The following TFDP2 variants were observed in gnomAD, a reference collection of about 807,000 sequenced individuals.
TFDP2 encodes the protein transcription factor Dp-2.
A neutral mutation model predicts 59.3 loss-of-function variants in TFDP2; 17 were observed. That is an observed-to-expected ratio of 0.29 (90% CI 0.20 to 0.43). The LOEUF is 0.43. Among genes scored for constraint, TFDP2 ranks in the 20% least tolerant of loss-of-function variants. TFDP2 has a pLI of 1.00. For missense variants in TFDP2, 391 were observed against 528.8 expected, an observed-to-expected ratio of 0.74 and a Z score of 2.56; for synonymous variants, 180 against 194.7, an observed-to-expected ratio of 0.92 and a Z score of 0.63.
chr3:142,135,386 A>C (rs757622358), intron 1 of TFDP2, among the ~76,000 whole-genome samples: 1 of 151,966 alleles, frequency 6.6e-6, no homozygotes, highest in Non-Finnish European at 1.5e-5. Context: ...TTTAGCCTAC[A>C]TATGTTTAAT....
At chr3:142,023,958 G>A (rs1420033428) in intron 3 of TFDP2, among the ~76,000 whole-genome samples, 1 of 152,096 alleles carries the variant, frequency 6.6e-6, no homozygotes, top group Non-Finnish European at 1.5e-5. Flanking sequence ...GTGCCACCAT[G>A]CCCAGTTAAT....
chr3:142,056,006 T>C (rs572650330), intron 3 of TFDP2, among the ~76,000 whole-genome samples: 34 of 126,192 alleles, frequency 2.7e-4, no homozygotes, highest in Non-Finnish European at 4.7e-4. Flanking sequence ...CAGGCTGGAG[T>C]GCAGTGGCAT....
At chr3:142,114,346 T>C (rs906108688) in intron 1 of TFDP2, among the ~76,000 whole-genome samples, 1 of 152,200 alleles carries the variant, frequency 6.6e-6, no homozygotes. Flanking sequence ...TTTAAAGTAA[T>C]TTAAGGTTTT....
At chr3:141,959,920 C>G in intron 10 of TFDP2, 80 bp from the exon 11 acceptor site, 1 of 1,399,034 alleles carries the variant, frequency 7.1e-7, no homozygotes, top group Non-Finnish European at 9.8e-7. Flanking sequence ...GTTTAAGTAA[C>G]AGAATGGGGG....
rs565751283 is a variant in TFDP2 at position 142,119,321 on chromosome 3, G to A, written c.-92-17480C>T. Among the ~76,000 whole-genome samples the A allele has an allele frequency of 9.9e-5, 15 of 152,136 alleles. 1 individual carries two copies. The South Asian group carries it at 1.5e-3, about 15-fold the overall frequency. ...TAAAGAAAAAACTCTCAGTGTATCC[G>A]AGCAAAAAGATAAATTATTTACAAA... On this transcript the variant is annotated intron_variant, in intron 1 of 12. Transcript: ENST00000489671.
intron 1 of TFDP2, among the ~76,000 whole-genome samples, chr3:142,114,201 G>C (rs1460684807): frequency 6.6e-6 from 1 of 151,728 alleles, no homozygotes; most frequent in Non-Finnish European, 1.5e-5. Flanking sequence ...CCATTTTATA[G>C]AAGGGAAAAT....
chr3:142,040,392 C>T (rs1397271631), intron 3 of TFDP2, among the ~76,000 whole-genome samples: 1 of 152,148 alleles, frequency 6.6e-6, no homozygotes, highest in African/African-American at 2.4e-5. Context: ...GAGTTTGAGA[C>T]CACCCTGAGT....
intron 3 of TFDP2, among the ~76,000 whole-genome samples, chr3:142,050,280 T>A (rs7612958): frequency 0.85 from 126,622 of 148,506 alleles, 53,977 homozygotes; most frequent in African/African-American, 0.93. Context: ...AAAAAAATAA[T>A]AAAAAAAAAA....
chr3:142,094,194 T>A (rs993828861), intron 2 of TFDP2, among the ~76,000 whole-genome samples: 1 of 152,112 alleles, frequency 6.6e-6, no homozygotes, highest in African/African-American at 2.4e-5. Context: ...ATTATTACTA[T>A]CAAATACTTT....
chr3:142,011,550 C>T (rs1230607232), intron 3 of TFDP2, among the ~76,000 whole-genome samples: 1 of 130,750 alleles, frequency 7.6e-6, no homozygotes, highest in Non-Finnish European at 1.6e-5. Context: ...TGTAACTAAC[C>T]TGCACAAGGT....
chr3:142,064,605 C>T (rs773551970), intron 3 of TFDP2, among the ~76,000 whole-genome samples: 4 of 152,120 alleles, frequency 2.6e-5, no homozygotes, highest in Admixed American at 6.5e-5. Context: ...TTTAGATTTG[C>T]GATTTACATG....
intron 1 of TFDP2, among the ~76,000 whole-genome samples, chr3:142,144,493 G>A (rs1386771426): frequency 6.6e-6 from 1 of 152,126 alleles, no homozygotes; most frequent in Non-Finnish European, 1.5e-5. Context: ...TTAGATTACA[G>A]CTTATGCCAC....
Position 141,993,650 on chromosome 3 carries a change from C to T in TFDP2, c.309-65G>A, listed in dbSNP as rs1037350668. The stretch of plus-strand genomic sequence containing the variant: ...TAAATACAATTTAATTTCATTAATA[C>T]TTTATTATAACTTGTCTAAAATTAT... On this transcript the variant is annotated intron_variant, in intron 5 of 12. Transcript: ENST00000489671. 3.7e-5 allele frequency: 35 copies of T among 955,928 alleles called. No individual in the cohort carries two copies. In the Middle Eastern group the frequency reaches 1.0e-3, roughly 28 times the overall value. 59.2% of individuals were successfully genotyped at this position (955,928 alleles called of 1,614,324 possible).
intron 1 of TFDP2, among the ~76,000 whole-genome samples, chr3:142,117,724 G>C (rs992702069): frequency 2.6e-5 from 4 of 152,162 alleles, no homozygotes; most frequent in African/African-American, 9.7e-5. Context: ...AGTGCTTCTG[G>C]GGGAGAACCA....
intron 1 of TFDP2, among the ~76,000 whole-genome samples, chr3:142,107,422 C>T (rs978568033): frequency 6.6e-6 from 1 of 151,784 alleles, no homozygotes; most frequent in East Asian, 1.9e-4. Flanking sequence ...TTAGTAGAGA[C>T]GGGGTTTTAC....
At chr3:142,095,112 T>G (rs752222620) in intron 2 of TFDP2, among the ~76,000 whole-genome samples, 6 of 151,642 alleles carry the variant, frequency 4.0e-5, no homozygotes, top group Non-Finnish European at 8.8e-5. Context: ...TGCCTCAACC[T>G]CCCAAGTAGC....
At chr3:141,984,550 C>G (rs1638283897) in intron 6 of TFDP2, among the ~76,000 whole-genome samples, 1 of 151,950 alleles carries the variant, frequency 6.6e-6, no homozygotes, top group South Asian at 2.1e-4. Flanking sequence ...AAATTATAGT[C>G]AAAATCATAG....
intron 3 of TFDP2, among the ~76,000 whole-genome samples, chr3:142,055,298 G>A (rs1240976097): frequency 2.0e-5 from 3 of 151,942 alleles, no homozygotes; most frequent in African/African-American, 2.4e-5. Flanking sequence ...ATATGTACTT[G>A]GATGAGAATC....
At chr3:142,048,452 T>A (rs114310318) in intron 3 of TFDP2, among the ~76,000 whole-genome samples, 3 of 151,826 alleles carry the variant, frequency 2.0e-5, no homozygotes, top group African/African-American at 7.3e-5. Context: ...AGAAAAAAGA[T>A]TAGTAGAGGT....
Sources: allele counts gnomAD v4.1 joint callset (sites outside exome capture counted in the v4.1 genomes callset), GRCh38; gene constraint gnomAD v4.1.1; transcripts MANE v1.5; gene names NCBI Gene and HGNC (gene_info 2026-07-23, HGNC 2026-07-21).